Variants in COL16A1 observed in about 807,000 individuals in gnomAD.
COL16A1 encodes the protein collagen type XVI alpha 1 chain, also known as collagen alpha-1(XVI) chain.
A neutral mutation model predicts 266.3 loss-of-function variants in COL16A1; 189 were observed. The observed-to-expected ratio is 0.71, with a 90% CI of 0.63 to 0.80. The LOEUF is 0.80. COL16A1 is among the 30% of genes least tolerant of loss of function. The pLI is 0.00. For synonymous variants in COL16A1, 740 were observed against 782.3 expected (o/e 0.95, Z 0.90); for missense variants, 1,928 against 2,122.4 (o/e 0.91, Z 1.80).
intron 11 of COL16A1, 130 bp downstream of exon 11, chr1:31,695,056 G>A (rs1203700826): frequency 1.4e-5 from 13 of 919,398 alleles, no homozygotes; most frequent in Non-Finnish European, 2.1e-5. Context: ...TCTGGGAGAT[G>A]GGCAGGGAGC....
In COL16A1 at chr1:31,681,104, G is replaced by A. The variant is rs368976112; in HGVS notation, c.2539-37C>T. ...GAGCCCAGAGTCAGAGGGTGAGACTGGGCAGCGGCCAGCCATCTGGCCTGC... is the reference window on the plus strand; with the variant it reads ...GAGCCCAGAGTCAGAGGGTGAGACTAGGCAGCGGCCAGCCATCTGGCCTGC... On this transcript the variant is annotated intron_variant, in intron 37 of 70. Transcript: ENST00000373672. The A allele has an allele frequency of 2.3e-5, 37 of 1,586,150 alleles. No individual in the cohort carries two copies. In the African/African-American group the frequency reaches 4.6e-4, roughly 20 times the overall value.
At position 31,661,314 on chromosome 1, in the gene COL16A1, G is replaced by A. The variant is rs183774055; in HGVS notation, c.3771+100C>T. 3.8e-5 allele frequency: 61 copies of A among 1,586,602 alleles called. No homozygotes were observed. In the African/African-American group the frequency reaches 7.9e-4, roughly 21 times the overall value. ...AGTGGCCCCAGGAGGCTCTGATGCTGGGATGGCCTCTCTGCCCAGGATAGG... is the reference window on the plus strand; with the variant it reads ...AGTGGCCCCAGGAGGCTCTGATGCTAGGATGGCCTCTCTGCCCAGGATAGG... On this transcript the variant is annotated intron_variant, in intron 60 of 70. Transcript: ENST00000373672.
At position 31,684,573 on chromosome 1, in the gene COL16A1, G is replaced by A. The variant is rs1557666506; in HGVS notation, c.2110C>T (p.Leu704=). 1.2e-5 allele frequency: 19 copies of A among 1,613,898 alleles called. No homozygotes were observed. Among genetic ancestry groups the A allele is most frequent in the Non-Finnish European group, 1.5e-5 (18 of 1,180,004 alleles). Residue 704 remains leucine (L), a synonymous_variant, in exon 31 of 71, where the codon CTG becomes TTG. Transcript: ENST00000373672. ...CCCTGAACTCCAGGCTCTCCTGACA[G>A]TCCTGGCCGCCCTGTGGTGCCCGGC... ...GTPGTTGRPG[L]SGEPGVQGPA... is the part of the protein sequence containing the mutation.
intron 30 of COL16A1, 25 bp downstream of exon 30, chr1:31,684,796 C>A (rs1054053854): frequency 6.2e-7 from 1 of 1,614,008 alleles, no homozygotes; most frequent in African/African-American, 1.3e-5. Flanking sequence ...CATGCCCACC[C>A]CCGTGCCCAC....
At chr1:31,673,950 T>C (rs893992704) in intron 44 of COL16A1, among the ~76,000 whole-genome samples, 1 of 152,248 alleles carries the variant, frequency 6.6e-6, no homozygotes, top group Non-Finnish European at 1.5e-5. Context: ...ACAGGAGAAA[T>C]GTCAAATCCT....
At position 31,684,813 on chromosome 1, in the gene COL16A1, C is replaced by T. The variant is rs375888112; in HGVS notation, c.2052+8G>A. 18 of 1,613,984 alleles carry T rather than the reference C, an allele frequency of 1.1e-5. No homozygotes were observed. Among genetic ancestry groups the T allele is most frequent in the East Asian group, 2.2e-5 (1 of 44,892 alleles). ...TGCCCACCCCCGTGCCCACGGACGC[C>T]CTCTCACCTTCTGCCCCTTCAGTCC... On this transcript the variant is annotated splice_region_variant and intron_variant, in intron 30 of 70. Coordinates refer to ENST00000373672, the MANE Select transcript of COL16A1 (RefSeq NM_001856.4).
intron 12 of COL16A1, among the ~76,000 whole-genome samples, chr1:31,693,610 C>T (rs560141362): frequency 1.3e-5 from 2 of 152,296 alleles, no homozygotes; most frequent in African/African-American, 2.4e-5. Flanking sequence ...ATCAATAAAA[C>T]GGTATTGACG....
chr1:31,666,159 T>C, intron 52 of COL16A1, 78 bp from the exon 53 acceptor site: 1 of 1,449,564 alleles, frequency 6.9e-7, no homozygotes, highest in Non-Finnish European at 9.5e-7. Flanking sequence ...GACAGGGGAC[T>C]GCCCAGAACA....
chr1:31,698,741 T>C lies in COL16A1; in HGVS notation c.267-135A>G. ...TCTTCCATCATATACATTCATTCAC[T>C]CTCCATACCTTTACTGAGTGCCTTC... On this transcript the variant is annotated intron_variant, in intron 4 of 70. Transcript: ENST00000373672. The surrounding 1 kb of genome is among the most constrained non-coding windows in gnomAD (Gnocchi z 4.1). 1 of 1,395,454 alleles carries C rather than the reference T, an allele frequency of 7.2e-7. No homozygotes were observed. The highest frequency in any genetic ancestry group is 1.4e-5 in the South Asian group (1 of 70,916). 86.4% of individuals were successfully genotyped at this position (1,395,454 alleles called of 1,614,324 possible). A position where few individuals can be genotyped will look rare whatever the true frequency, so the allele number is the denominator to read the frequency against.
chr1:31,653,949 C>T lies in COL16A1; in HGVS notation c.4452G>A (p.Pro1484=), dbSNP rs376247897. 60 of 1,614,050 alleles carry T rather than the reference C, an allele frequency of 3.7e-5. No homozygotes were observed. Among genetic ancestry groups the T allele is most frequent in the Middle Eastern group, 1.6e-4 (1 of 6,084 alleles). The stretch of plus-strand genomic sequence containing the variant: ...GTGACCCTGGAGCACCTGGCCTGCC[C>T]GGAGCACCATCCTTCCCTGGAGGCC... ...RPGPPGKDGA[P]GRPGAPGSPG... is the part of the protein sequence containing the mutation. Residue 1484 remains proline, a synonymous_variant, in exon 69 of 71, where the codon CCG becomes CCA. Coordinates refer to ENST00000373672, the MANE Select transcript of COL16A1 (RefSeq NM_001856.4).
rs777714916 is a variant in COL16A1 at position 31,697,349 on chromosome 1, T to A, written c.658-49A>T. The A allele has an allele frequency of 6.5e-7, 1 of 1,532,294 alleles. No individual in the cohort carries two copies. Among genetic ancestry groups the A allele is most frequent in the South Asian group, 1.2e-5 (1 of 83,388 alleles). The allele number at this position is 1,532,294 out of a possible 1,614,324, so 94.9% of individuals were successfully genotyped here. A position where few individuals can be genotyped will look rare whatever the true frequency, so the allele number is the denominator to read the frequency against. ...TTCACTTCATTTTATCAAATAGCTC[T>A]GTGTCCTGGCCCCCCAGGAGGCACA... is the stretch of plus-strand genomic sequence containing the variant. On this transcript the variant is annotated intron_variant, in intron 6 of 70. Coordinates refer to ENST00000373672, the MANE Select transcript of COL16A1 (RefSeq NM_001856.4). The surrounding 1 kb of genome is among the most constrained non-coding windows in gnomAD (Gnocchi z 4.2).
chr1:31,679,887 G>A (rs1327915227), intron 40 of COL16A1, 36 bp from the exon 41 acceptor site: 7 of 1,507,070 alleles, frequency 4.6e-6, no homozygotes, highest in Admixed American at 2.3e-5. Context: ...GAAGGGGAGA[G>A]GTTATAGGCA....
Position 31,688,828 on chromosome 1 carries a change from ACTGGG to A in COL16A1, c.1767+28_1767+32del, listed in dbSNP as rs747659576. 1.1e-5 allele frequency: 17 copies of A among 1,591,726 alleles called. No homozygotes were observed. Among genetic ancestry groups the A allele is most frequent in the Non-Finnish European group, 1.5e-5 (17 of 1,165,960 alleles). Reference sequence around the variant, plus strand: ...TCAACAGTATGGCAAGGATGGCTGAACTGGGCTGGGCTGGGAGAAAGTCGTCACTC... The same window carrying A: ...TCAACAGTATGGCAAGGATGGCTGAACTGGGCTGGGAGAAAGTCGTCACTC... On this transcript the variant is annotated intron_variant, in intron 25 of 70. Coordinates refer to ENST00000373672, the MANE Select transcript of COL16A1 (RefSeq NM_001856.4). This position sits in a 1 kb window ranked among gnomAD's most constrained non-coding sequence, Gnocchi z 4.9.
In COL16A1 at chr1:31,652,510, T is replaced by G. The variant is rs902557429; in HGVS notation, c.*141A>C. 15 of 1,047,756 alleles carry G rather than the reference T, an allele frequency of 1.4e-5. No individual in the cohort carries two copies. In the African/African-American group the frequency reaches 2.5e-4, roughly 17 times the overall value. The allele number at this position is 1,047,756 out of a possible 1,614,324, so 64.9% of individuals were successfully genotyped here. ...AAGGGAAAGGGCAGATAGTTTTGTT[T>G]CTTTATTATTTAAAAAATATTAACA... On this transcript the variant is annotated 3_prime_UTR_variant, in exon 71 of 71. Transcript: ENST00000373672. This position sits in a 1 kb window ranked among gnomAD's most constrained non-coding sequence, Gnocchi z 4.8.
rs1643742779 is a variant in COL16A1 at position 31,682,882 on chromosome 1, A to C, written c.2538+52T>G. The C allele has an allele frequency of 1.9e-6, 3 of 1,608,300 alleles. No homozygotes were observed. The African/African-American group carries it at 4.0e-5, about 22-fold the overall frequency. On this transcript the variant is annotated intron_variant, in intron 37 of 70. Transcript: ENST00000373672. ...AGCCCTGTGCCCTCTTCCCAGCAGA[A>C]ACATCCTTGGTTCCAGCAACACCAC...
chr1:31,657,012 A>G lies in COL16A1; in HGVS notation c.4056+21T>C. ...GCAAGAAGCACCCCCAAGGAAACAG[A>G]GAAGACCAGTACAACTGTACCTCTT... On this transcript the variant is annotated intron_variant, in intron 65 of 70. Transcript: ENST00000373672. This position sits in a 1 kb window ranked among gnomAD's most constrained non-coding sequence, Gnocchi z 6.4. The G allele has an allele frequency of 1.2e-6, 2 of 1,614,150 alleles. No homozygotes were observed. Among genetic ancestry groups the G allele is most frequent in the South Asian group, 2.2e-5 (2 of 91,088 alleles).
At chr1:31,690,783 C>T (rs1241575362) in intron 20 of COL16A1, among the ~76,000 whole-genome samples, 1 of 152,180 alleles carries the variant, frequency 6.6e-6, no homozygotes, top group African/African-American at 2.4e-5. Context: ...GAAAATGAAG[C>T]TTCTGTGTGC....
At chr1:31,653,553 T>C in intron 70 of COL16A1, 46 bp downstream of exon 70, 1 of 1,571,694 alleles carries the variant, frequency 6.4e-7, no homozygotes, top group South Asian at 1.2e-5. Flanking sequence ...AGAAAAGGGG[T>C]CTCTGCTGCT....
At chr1:31,686,060 G>A (rs774312148) in intron 28 of COL16A1, 31 bp downstream of exon 28, 1 of 1,612,888 alleles carries the variant, frequency 6.2e-7, no homozygotes, top group East Asian at 2.2e-5. Flanking sequence ...GCTCACCCAG[G>A]CTGCAGCACG....
Sources: allele counts gnomAD v4.1 joint callset (sites outside exome capture counted in the v4.1 genomes callset), GRCh38; gene constraint gnomAD v4.1.1; non-coding constraint Gnocchi (gnomAD v3.1); transcripts MANE v1.5; gene names NCBI Gene and HGNC (gene_info 2026-07-23, HGNC 2026-07-21).